The following TCOF1 variants were observed in gnomAD, a reference collection of about 807,000 sequenced individuals.
TCOF1 encodes the protein treacle ribosome biogenesis factor 1.
Under a neutral mutation model 149.0 loss-of-function variants are expected in TCOF1, and 33 were observed. The observed-to-expected ratio is 0.22, with a 90% CI of 0.17 to 0.30. The LOEUF (loss-of-function observed/expected upper bound fraction) is 0.30, where lower values mean the gene tolerates loss of function less well. TCOF1 is among the 10% of genes least tolerant of loss of function. The pLI is 1.00. For synonymous variants in TCOF1, 789 were observed against 738.8 expected, an observed-to-expected ratio of 1.07 and a Z score of -1.10; for missense variants, 1,728 against 1,840.7, an observed-to-expected ratio of 0.94 and a Z score of 1.12.
intron 21 of TCOF1, 71 bp downstream of exon 21, chr5:150,392,247 T>C (rs1767594225): frequency 6.6e-7 from 1 of 1,510,744 alleles, no homozygotes; most frequent in Non-Finnish European, 9.1e-7. Context: ...GAGCCATAGC[T>C]CTGGCCTCAG....
chr5:150,373,616 C>G (rs1763028750), intron 7 of TCOF1, among the ~76,000 whole-genome samples: 2 of 152,158 alleles, frequency 1.3e-5, no homozygotes, highest in South Asian at 4.1e-4. Context: ...GTGTGCAAAC[C>G]TTGCCCCATG....
intron 2 of TCOF1, among the ~76,000 whole-genome samples, chr5:150,362,547 G>T (rs905152220): frequency 3.9e-5 from 6 of 152,204 alleles, no homozygotes; most frequent in African/African-American, 1.4e-4. Flanking sequence ...ACAGGTTTCA[G>T]CTTCTGAATA....
At chr5:150,397,950 T>C (rs962613906) in intron 24 of TCOF1, among the ~76,000 whole-genome samples, 20 of 152,010 alleles carry the variant, frequency 1.3e-4, no homozygotes, top group Non-Finnish European at 5.9e-5. Context: ...TGAGACAGGG[T>C]CTTGCTCTGT....
chr5:150,360,007 G>A (rs763349243), intron 1 of TCOF1, among the ~76,000 whole-genome samples: 4 of 152,144 alleles, frequency 2.6e-5, no homozygotes, highest in Non-Finnish European at 5.9e-5. Context: ...GCAAGGCCGC[G>A]TTAGAGGCAG....
At position 150,396,758 on chromosome 5, in the gene TCOF1, G is replaced by A. The variant is rs1768613329; in HGVS notation, c.4261G>A (p.Glu1421Lys). The change falls in exon 24 of 27, where the codon GAG becomes AAG. Residue 1421 changes from glutamate (E) to lysine (K), a missense_variant. Physicochemically the swap from Glu to Lys is moderately conservative, Grantham distance 56. Around this residue, in one of 2 missense-constraint regions of TCOF1, gnomAD observed 1,696 missense variants for 1,765.4 expected, o/e 0.96. Transcript: ENST00000643257. ...SQGAKDEPEE[E>K]LQKGMGTVEG... The stretch of plus-strand genomic sequence containing the variant: ...AGGGGCCAAGGACGAGCCAGAAGAG[G>A]AGCTTCAGAAGGGGATGGGGACGGT... The A allele has an allele frequency of 6.2e-7, 1 of 1,612,414 alleles. No individual in the cohort carries two copies. Among genetic ancestry groups the A allele is most frequent in the Non-Finnish European group, 8.5e-7 (1 of 1,179,580 alleles).
Position 150,396,370 on chromosome 5 carries a change from G to A in TCOF1, c.3873G>A (p.Ala1291=), listed in dbSNP as rs375500651. 45 of 1,613,822 alleles carry A rather than the reference G, an allele frequency of 2.8e-5. No individual in the cohort carries two copies. The highest frequency in any genetic ancestry group is 3.3e-4 in the Middle Eastern group (2 of 6,084). Residue 1291 remains alanine, a synonymous_variant, in exon 24 of 27, where the codon GCG becomes GCA. Coordinates refer to ENST00000643257, the MANE Select transcript of TCOF1 (RefSeq NM_001371623.1). Reference sequence around the variant, plus strand: ...GGAACCCCCAAGCCTCAACCCTGGCGCTGCAAAGCAACATCACCCAGTGCC... The same window carrying A: ...GGAACCCCCAAGCCTCAACCCTGGCACTGCAAAGCAACATCACCCAGTGCC... ...GAGNPQASTL[A]LQSNITQCLL...
In TCOF1 at chr5:150,379,643, G is replaced by C. The variant is rs754347205; in HGVS notation, c.2770G>C (p.Ala924Pro). The change falls in exon 17 of 27, where the codon GCC becomes CCC. Residue 924 changes from alanine (A) to proline (P), a missense_variant. Coordinates refer to ENST00000643257, the MANE Select transcript of TCOF1 (RefSeq NM_001371623.1). ...TCCTGGGAAGACAGGGCCTTCGGCT[G>C]CCCAGGCAGGGAAGCAGGATGACTC... ...TPPGKTGPSA[A>P]QAGKQDDSGS... 1 of 1,614,188 alleles carries C rather than the reference G, an allele frequency of 6.2e-7. No individual in the cohort carries two copies. The highest frequency in any genetic ancestry group is 8.5e-7 in the Non-Finnish European group (1 of 1,180,036).
At chr5:150,381,505 C>T (rs905335192) in intron 17 of TCOF1, among the ~76,000 whole-genome samples, 2 of 152,198 alleles carry the variant, frequency 1.3e-5, no homozygotes, top group African/African-American at 2.4e-5. Flanking sequence ...TGGAGAAGGC[C>T]CCTCAGTGTG....
intron 19 of TCOF1, 27 bp downstream of exon 19, chr5:150,390,050 G>T: frequency 6.3e-7 from 1 of 1,585,564 alleles, no homozygotes; most frequent in East Asian, 2.3e-5. Flanking sequence ...GGAGGGTAAT[G>T]CAGGCCAGTG....
At chr5:150,376,387 C>T (rs200626910) in intron 13 of TCOF1, 36 bp from the exon 14 acceptor site, 1 of 1,614,186 alleles carries the variant, frequency 6.2e-7, no homozygotes, top group East Asian at 2.2e-5. Context: ...GTCCTTTGGA[C>T]TCCTGGAGAC....
At chr5:150,361,039 A>G in intron 1 of TCOF1, 117 bp from the exon 2 acceptor site, 1 of 1,374,462 alleles carries the variant, frequency 7.3e-7, no homozygotes, top group Non-Finnish European at 1.0e-6. Flanking sequence ...CCCAGCCAAA[A>G]AGACCCTCTT....
chr5:150,388,531 T>C (rs1466904755), intron 18 of TCOF1, among the ~76,000 whole-genome samples: 1 of 152,226 alleles, frequency 6.6e-6, no homozygotes, highest in African/African-American at 2.4e-5. Flanking sequence ...CTGAGGTTTC[T>C]TTGACTTCTG....
At position 150,374,948 on chromosome 5, in the gene TCOF1, C is replaced by T. The variant is rs1763397447; in HGVS notation, c.1279-6C>T. Reference sequence around the variant, plus strand: ...GGCTCTCCCCTCATCCTGTTTCTCACTCCAGGCGAAGCCTTCAGGGAAGGC... The same window carrying T: ...GGCTCTCCCCTCATCCTGTTTCTCATTCCAGGCGAAGCCTTCAGGGAAGGC... On this transcript the variant is annotated splice_polypyrimidine_tract_variant and splice_region_variant and intron_variant, in intron 9 of 26. Coordinates refer to ENST00000643257, the MANE Select transcript of TCOF1 (RefSeq NM_001371623.1). The T allele has an allele frequency of 1.9e-6, 3 of 1,613,798 alleles. No individual in the cohort carries two copies. The highest frequency in any genetic ancestry group is 1.3e-5 in the African/African-American group (1 of 74,894).
intron 17 of TCOF1, chr5:150,380,080 A>AAG: frequency 7.5e-6 from 2 of 265,590 alleles, no homozygotes; most frequent in African/African-American, 4.5e-5. Context: ...CAAAAAAAAA[A>AAG]AAAAAGAAAA....
chr5:150,375,257 G>A lies in TCOF1; in HGVS notation c.1489-82G>A, dbSNP rs73270845. 6.8e-3 allele frequency: 11,001 copies of A among 1,606,212 alleles called. 667 individuals carry two copies. The African/African-American group carries it at 0.13, about 19-fold the overall frequency. ...CCTCTCTGAACCTAGAGCCCTGTGC[G>A]GCTGGCTTCGTTTGCTCTCCTCCCC... On this transcript the variant is annotated intron_variant, in intron 10 of 26. Transcript: ENST00000643257.
At chr5:150,371,122 A>C (rs1280668647) in intron 6 of TCOF1, among the ~76,000 whole-genome samples, 2 of 152,188 alleles carry the variant, frequency 1.3e-5, no homozygotes, top group African/African-American at 4.8e-5. Flanking sequence ...ACAGTTGGAA[A>C]GATGTTTTCA....
rs550014872 is a variant in TCOF1, at chr5:150,396,987, G to A, written c.4345+145G>A. The A allele has an allele frequency of 9.8e-5, 97 of 985,752 alleles. 1 individual carries two copies. In the Middle Eastern group the frequency reaches 1.3e-3, roughly 13 times the overall value. The allele number at this position is 985,752 out of a possible 1,614,324, so 61.1% of individuals were successfully genotyped here. On this transcript the variant is annotated intron_variant, in intron 24 of 26. Coordinates refer to ENST00000643257, the MANE Select transcript of TCOF1 (RefSeq NM_001371623.1). ...AGCCTGGCCAACATGGCAAAACCCC[G>A]TCTCTACTAAAAATACAAAAAATTA... is the stretch of plus-strand genomic sequence containing the variant.
intron 1 of TCOF1, among the ~76,000 whole-genome samples, chr5:150,359,965 CAG>C (rs749480987): frequency 6.6e-6 from 1 of 152,088 alleles, no homozygotes; most frequent in Non-Finnish European, 1.5e-5. Context: ...GTGTAGTTAA[CAG>C]GGGAGAGAAC....
At chr5:150,389,103 GTACATA>G (rs1433856544) in intron 18 of TCOF1, among the ~76,000 whole-genome samples, 5 of 152,202 alleles carry the variant, frequency 3.3e-5, no homozygotes, top group South Asian at 2.1e-4. Flanking sequence ...ACATACATAT[GTACATA>G]TACATATACT....
Sources: gnomAD v4.1 joint callset for allele counts (sites outside exome capture counted in the v4.1 genomes callset) on GRCh38, gnomAD v4.1.1 for gene constraint, gnomAD v4.1.1 regional missense constraint, MANE v1.5 for transcripts, NCBI Gene and HGNC (gene_info 2026-07-23, HGNC 2026-07-21) for gene names.